Variants in CLPB observed in about 807,000 individuals in gnomAD.
CLPB encodes mitochondrial disaggregase.
CLPB carries 40 observed loss-of-function variants against 78.4 expected under a neutral mutation model. The observed-to-expected ratio is 0.51, with a 90% CI of 0.40 to 0.66. The LOEUF (loss-of-function observed/expected upper bound fraction) is 0.66, where lower values mean the gene tolerates loss of function less well. Among genes scored for constraint, CLPB ranks in the 30% least tolerant of loss-of-function variants. The pLI is 0.00. For missense variants in CLPB, 780 were observed against 886.9 expected, an observed-to-expected ratio of 0.88 and a Z score of 1.53; for synonymous variants, 333 against 348.0, an observed-to-expected ratio of 0.96 and a Z score of 0.48.
intron 12 of CLPB, 85 bp downstream of exon 12, chr11:72,295,407 G>T: frequency 6.8e-7 from 1 of 1,479,850 alleles, no homozygotes; most frequent in Non-Finnish European, 9.2e-7. Context: ...CTTCACCTGG[G>T]CCCAGGGCCC....
intron 3 of CLPB, among the ~76,000 whole-genome samples, chr11:72,397,837 T>A (rs1363161482): frequency 6.6e-6 from 1 of 152,180 alleles, no homozygotes; most frequent in Non-Finnish European, 1.5e-5. Context: ...TAAACCACTA[T>A]CCTCTGCACA....
In CLPB at chr11:72,301,790, C is replaced by A. The variant is rs201324196; in HGVS notation, c.1329+13G>T. On this transcript the variant is annotated intron_variant, in intron 11 of 15. Transcript: ENST00000538039. ...GGTGTCCCCCCGCTCCATCCTGGCCCAAGGTGACTCACCTCATCAAACAGC... is the reference window on the plus strand; with the variant it reads ...GGTGTCCCCCCGCTCCATCCTGGCCAAAGGTGACTCACCTCATCAAACAGC... 6.8e-6 allele frequency: 11 copies of A among 1,612,898 alleles called. No individual in the cohort carries two copies. Among genetic ancestry groups the A allele is most frequent in the Non-Finnish European group, 9.3e-6 (11 of 1,179,352 alleles).
intron 5 of CLPB, among the ~76,000 whole-genome samples, chr11:72,351,788 T>C (rs926651435): frequency 2.0e-5 from 3 of 152,058 alleles, no homozygotes; most frequent in Non-Finnish European, 4.4e-5. Context: ...GCCAGGCTGG[T>C]CTTGAACTCC....
Position 72,295,518 on chromosome 11 carries a change from C to T in CLPB, c.1460G>A (p.Ser487Asn). 1 of 1,614,192 alleles carries T rather than the reference C, an allele frequency of 6.2e-7. No individual in the cohort carries two copies. The highest frequency in any genetic ancestry group is 1.1e-5 in the South Asian group (1 of 91,080). ...CAGGTTTTCGGCAATACGGTTACGG[C>T]TCATCTCCAAAGCTTCCTGCCTCAG... ...LQLRQEALEMSRNRIAENLGD... is the reference protein window; with the variant it reads ...LQLRQEALEMNRNRIAENLGD... Residue 487 changes from serine (S) to asparagine (N), a missense_variant, in exon 12 of 16, where the codon AGC (serine) becomes AAC (asparagine). Physicochemically the swap from Ser to Asn is conservative, Grantham distance 46. Transcript: ENST00000538039.
chr11:72,431,140 G>A (rs894331887), intron 1 of CLPB, among the ~76,000 whole-genome samples: 3 of 152,216 alleles, frequency 2.0e-5, no homozygotes, highest in Non-Finnish European at 4.4e-5. Context: ...CCTGGTCTGG[G>A]CAGCCTGCAG....
chr11:72,375,320 A>G (rs1854653586), intron 4 of CLPB, among the ~76,000 whole-genome samples: 1 of 152,178 alleles, frequency 6.6e-6, no homozygotes, highest in Non-Finnish European at 1.5e-5. Context: ...CCTTCAGAAT[A>G]GAGAATGAGC....
chr11:72,412,359 A>G (rs1034348217), intron 2 of CLPB, among the ~76,000 whole-genome samples: 2 of 152,188 alleles, frequency 1.3e-5, no homozygotes, highest in African/African-American at 4.8e-5. Context: ...GAGGGAGGGG[A>G]GAGGCTGGCA....
At chr11:72,420,322 C>T (rs1314393851) in intron 2 of CLPB, among the ~76,000 whole-genome samples, 4 of 152,112 alleles carry the variant, frequency 2.6e-5, no homozygotes, top group Admixed American at 6.5e-5. Context: ...GGTGAAACTC[C>T]GTCTCTACTA....
chr11:72,302,072 C>A, intron 10 of CLPB, 108 bp from the exon 11 acceptor site: 1 of 1,272,892 alleles, frequency 7.9e-7, no homozygotes, highest in Admixed American at 2.0e-5. Flanking sequence ...TTGCCTCTCT[C>A]AACAGAGATG....
intron 6 of CLPB, among the ~76,000 whole-genome samples, chr11:72,328,408 C>T (rs1312575905): frequency 1.3e-5 from 2 of 152,240 alleles, no homozygotes; most frequent in African/African-American, 2.4e-5. Context: ...CATAGACAAT[C>T]ATATGTTGCC....
chr11:72,361,912 A>C, intron 4 of CLPB, among the ~76,000 whole-genome samples: 1 of 152,242 alleles, frequency 6.6e-6, no homozygotes, highest in East Asian at 1.9e-4. Context: ...ATGTGCAATG[A>C]CAGAGCTATA....
intron 9 of CLPB, among the ~76,000 whole-genome samples, chr11:72,305,850 CAT>C (rs2135508460): frequency 6.6e-6 from 1 of 152,328 alleles, no homozygotes; most frequent in African/African-American, 2.4e-5. Flanking sequence ...TGTATGAAGA[CAT>C]ATGAAGACAG....
intron 5 of CLPB, among the ~76,000 whole-genome samples, chr11:72,333,873 C>T (rs1440539372): frequency 6.6e-6 from 1 of 152,148 alleles, no homozygotes; most frequent in Admixed American, 6.5e-5. Flanking sequence ...ACAACGGAGG[C>T]AGAAAGGGAG....
At chr11:72,347,955 G>C (rs1438088740) in intron 5 of CLPB, among the ~76,000 whole-genome samples, 1 of 152,226 alleles carries the variant, frequency 6.6e-6, no homozygotes, top group Non-Finnish European at 1.5e-5. Context: ...TGGAGACATA[G>C]AATGTGGGCA....
At chr11:72,354,719 C>A in intron 5 of CLPB, 1 of 184,186 alleles carries the variant, frequency 5.4e-6, no homozygotes, top group Non-Finnish European at 1.1e-5. Flanking sequence ...GGTCTCTGTA[C>A]TTTTCTGTGG....
intron 6 of CLPB, 44 bp from the exon 7 acceptor site, chr11:72,317,264 A>G: frequency 7.0e-7 from 1 of 1,418,578 alleles, no homozygotes; most frequent in East Asian, 2.4e-5. Flanking sequence ...CCGGGCCCAT[A>G]GCACCATAGC....
At chr11:72,330,076 C>T (rs75190234) in intron 5 of CLPB, among the ~76,000 whole-genome samples, 97 of 152,192 alleles carry the variant, frequency 6.4e-4, no homozygotes, top group African/African-American at 2.1e-3. Context: ...GTTAATATAC[C>T]GCAGCACAAA....
At position 72,292,012 on chromosome 11, in the gene CLPB, C is replaced by T. The variant is rs1249869836; in HGVS notation, c.*1355G>A. The T allele has an allele frequency of 7.2e-6, 1 of 139,102 alleles. No homozygotes were observed. The highest frequency in any genetic ancestry group is 1.5e-5 in the Non-Finnish European group (1 of 66,396). The allele number at this position is 139,102 out of a possible 1,614,324, so 8.6% of individuals were successfully genotyped here. A position where few individuals can be genotyped will look rare whatever the true frequency, so the allele number is the denominator to read the frequency against. On this transcript the variant is annotated 3_prime_UTR_variant, in exon 16 of 16. Coordinates refer to ENST00000538039, the MANE Select transcript of CLPB (RefSeq NM_001258392.3). Reference sequence around the variant, plus strand: ...GAGCCGAGATCGCGCCACTGCACTCCAGCTTGGGGGACAGAGTGAGACTCT... The same window carrying T: ...GAGCCGAGATCGCGCCACTGCACTCTAGCTTGGGGGACAGAGTGAGACTCT...
At chr11:72,373,781 A>G (rs2135660433) in intron 4 of CLPB, among the ~76,000 whole-genome samples, 1 of 152,090 alleles carries the variant, frequency 6.6e-6, no homozygotes, top group Admixed American at 6.5e-5. Context: ...CTCCATCTCT[A>G]CTAAAAGTAT....
Sources: allele counts gnomAD v4.1 joint callset (sites outside exome capture counted in the v4.1 genomes callset), GRCh38; gene constraint gnomAD v4.1.1; transcripts MANE v1.5; gene names NCBI Gene and HGNC (gene_info 2026-07-23, HGNC 2026-07-21).